Variants in GPM6A observed in about 807,000 individuals in gnomAD.
GPM6A encodes the protein neuronal membrane glycoprotein M6-a.
GPM6A carries 7 observed loss-of-function variants against 32.1 expected under a neutral mutation model. The observed-to-expected ratio is 0.22, with a 90% confidence interval of 0.12 to 0.41. The LOEUF is 0.41. Ranked by LOEUF, GPM6A falls within the 10% of genes least tolerant of loss-of-function variation. The probability of loss-of-function intolerance (pLI) is 1.00; values close to 1 mark genes in which losing one functional copy is unlikely to be tolerated. For missense variants in GPM6A, 235 were observed against 347.2 expected, an observed-to-expected ratio of 0.68 and a Z score of 2.57; for synonymous variants, 130 against 123.4, an observed-to-expected ratio of 1.05 and a Z score of -0.35.
At chr4:175,763,023 T>C (rs1048637946) in intron 1 of GPM6A, among the ~76,000 whole-genome samples, 1 of 152,186 alleles carries the variant, frequency 6.6e-6, no homozygotes, top group Admixed American at 6.5e-5. Context: ...GCCTGTGTTC[T>C]AAAAACCACT....
chr4:175,955,563 C>T (rs553836240), intron 1 of GPM6A, among the ~76,000 whole-genome samples: 104 of 152,280 alleles, frequency 6.8e-4, no homozygotes, highest in Non-Finnish European at 1.2e-3. Flanking sequence ...AGAGGTAAGA[C>T]AAAATCTTTT....
rs1385336397 is a variant in GPM6A, at chr4:175,640,838, T to C, written c.542-9A>G. The C allele has an allele frequency of 5.2e-6, 8 of 1,553,298 alleles. No individual in the cohort carries two copies. The highest frequency in any genetic ancestry group is 6.2e-6 in the Non-Finnish European group (7 of 1,125,384). ...TCCAATTGTCACAATTCCTACAATG[T>C]GTGGGAAATGACAGTTTAGCAGTAT... On this transcript the variant is annotated splice_polypyrimidine_tract_variant and intron_variant, in intron 4 of 6. Transcript: ENST00000393658.
chr4:175,807,190 G>A (rs116169983), intron 1 of GPM6A, among the ~76,000 whole-genome samples: 1,568 of 152,092 alleles, frequency 0.01, 32 homozygotes, highest in African/African-American at 0.036. Context: ...AATACTTACT[G>A]GTAGGCAATG....
At chr4:175,989,661 G>T (rs1741078427) in intron 1 of GPM6A, among the ~76,000 whole-genome samples, 1 of 152,046 alleles carries the variant, frequency 6.6e-6, no homozygotes, top group African/African-American at 2.4e-5. Flanking sequence ...AACTTAGTTT[G>T]ATCAGTGTAA....
chr4:175,924,954 T>G (rs1738786716), intron 1 of GPM6A, among the ~76,000 whole-genome samples: 1 of 152,184 alleles, frequency 6.6e-6, no homozygotes, highest in African/African-American at 2.4e-5. Context: ...TGGGAAAGCT[T>G]TTTAATTTTG....
chr4:175,956,647 A>G (rs1172945748), intron 1 of GPM6A, among the ~76,000 whole-genome samples: 1 of 152,166 alleles, frequency 6.6e-6, no homozygotes, highest in African/African-American at 2.4e-5. Flanking sequence ...AGAGGTGTTC[A>G]ATTGATTCAG....
At chr4:175,993,034 T>C (rs1741198202) in intron 1 of GPM6A, among the ~76,000 whole-genome samples, 1 of 152,120 alleles carries the variant, frequency 6.6e-6, no homozygotes, top group Non-Finnish European at 1.5e-5. Flanking sequence ...TCTTAGATCA[T>C]TCCCCTTCTG....
chr4:175,974,856 T>C (rs535899183), intron 1 of GPM6A, among the ~76,000 whole-genome samples: 1 of 152,204 alleles, frequency 6.6e-6, no homozygotes, highest in South Asian at 2.1e-4. Flanking sequence ...CTAATTTTGG[T>C]ATTTTTTGTA....
At position 175,992,060 on chromosome 4, in the gene GPM6A, G is replaced by GCACGCACACACACACA. The variant is rs71770965; in HGVS notation, c.-23+10248_-23+10249insTGTGTGTGTGTGCGTG. Reference sequence around the variant, plus strand: ...GAACCCCCTACACACAAACACACATGCACACACACACACACACACACACAC... The same window carrying GCACGCACACACACACA: ...GAACCCCCTACACACAAACACACATGCACGCACACACACACACACACACACACACACACACACACAC... On this transcript the variant is annotated intron_variant, in intron 1 of 7. Transcript: ENST00000280187. Among the ~76,000 whole-genome samples, 300 of 137,136 alleles carry GCACGCACACACACACA rather than the reference G, an allele frequency of 2.2e-3. 2 individuals carry two copies. Among genetic ancestry groups the GCACGCACACACACACA allele is most frequent in the African/African-American group, 7.9e-3 (285 of 36,178 alleles). The allele number at this position is 137,136 out of a possible 152,430, so 90.0% of individuals were successfully genotyped here. A position where few individuals can be genotyped will look rare whatever the true frequency, so the allele number is the denominator to read the frequency against.
chr4:175,637,171 C>A (rs1231467232), intron 6 of GPM6A, among the ~76,000 whole-genome samples: 8 of 63,200 alleles, frequency 1.3e-4, no homozygotes, highest in African/African-American at 5.2e-4. Context: ...TATAATATAT[C>A]ATATATGTGA....
intron 1 of GPM6A, among the ~76,000 whole-genome samples, chr4:175,727,383 GA>G (rs571244275): frequency 1.3e-5 from 2 of 152,022 alleles, no homozygotes; most frequent in African/African-American, 2.4e-5. Flanking sequence ...GTTGCAAATG[GA>G]AAAAAATACT....
intron 2 of GPM6A, among the ~76,000 whole-genome samples, chr4:175,683,151 C>A (rs985861632): frequency 6.6e-6 from 1 of 152,164 alleles, no homozygotes; most frequent in Admixed American, 6.5e-5. Flanking sequence ...TCAGTGTGGC[C>A]TGGATAGTGG....
chr4:175,816,919 G>T, upstream of GPM6A, among the ~76,000 whole-genome samples: 1 of 151,992 alleles, frequency 6.6e-6, no homozygotes, highest in South Asian at 2.1e-4. Context: ...GAGTGCAGCG[G>T]CGCGGTCTCG....
intron 4 of GPM6A, among the ~76,000 whole-genome samples, chr4:175,649,841 A>G (rs1164603804): frequency 6.6e-6 from 1 of 152,214 alleles, no homozygotes; most frequent in Non-Finnish European, 1.5e-5. Context: ...GTAATAAAAA[A>G]TATAGTTTGT....
chr4:175,683,080 T>C (rs187668077), intron 2 of GPM6A, among the ~76,000 whole-genome samples: 153 of 152,146 alleles, frequency 1.0e-3, no homozygotes, highest in Admixed American at 2.4e-3. Flanking sequence ...GCCACAGGAG[T>C]TAAACCCTGC....
At chr4:175,921,780 G>A (rs1474902858) in intron 1 of GPM6A, among the ~76,000 whole-genome samples, 1 of 152,182 alleles carries the variant, frequency 6.6e-6, no homozygotes. Context: ...TGTTTTTGGA[G>A]TGGAATTTTA....
intron 1 of GPM6A, among the ~76,000 whole-genome samples, chr4:175,951,699 T>C (rs1739817944): frequency 6.6e-6 from 1 of 152,282 alleles, no homozygotes; most frequent in African/African-American, 2.4e-5. Flanking sequence ...CCCAGAATTA[T>C]ATAGCTTTAT....
chr4:175,670,150 A>C (rs918757130), intron 3 of GPM6A, among the ~76,000 whole-genome samples: 1 of 152,180 alleles, frequency 6.6e-6, no homozygotes, highest in African/African-American at 2.4e-5. Flanking sequence ...ACACTTCCAA[A>C]AGTTATTATT....
chr4:175,973,143 A>G (rs1305522551), intron 1 of GPM6A, among the ~76,000 whole-genome samples: 1 of 152,234 alleles, frequency 6.6e-6, no homozygotes, highest in African/African-American at 2.4e-5. Context: ...AACTTTATAG[A>G]TGCAACATCT....
Sources: gnomAD v4.1 joint callset for allele counts (sites outside exome capture counted in the v4.1 genomes callset) on GRCh38, gnomAD v4.1.1 for gene constraint, MANE v1.5 for transcripts, NCBI Gene and HGNC (gene_info 2026-07-23, HGNC 2026-07-21) for gene names.